SLC13A1: variants seen among roughly 807,000 people sequenced by gnomAD.
SLC13A1 encodes solute carrier family 13 member 1.
Under a neutral mutation model 70.0 loss-of-function variants are expected in SLC13A1, and 65 were observed. The ratio of observed to expected loss-of-function variants is 0.93; its 90% CI spans 0.76 to 1.14. SLC13A1 has a LOEUF of 1.14. SLC13A1 is among the 50% of genes most tolerant of loss of function. The pLI, the probability that SLC13A1 is intolerant of heterozygous loss-of-function variation, is 0.00. For synonymous variants in SLC13A1, 275 were observed against 250.5 expected (o/e 1.10, Z -0.92); for missense variants, 726 against 717.8 (o/e 1.01, Z -0.13).
intron 7 of SLC13A1, among the ~76,000 whole-genome samples, chr7:123,142,979 C>A (rs1334462050): frequency 1.3e-5 from 2 of 152,010 alleles, no homozygotes; most frequent in African/African-American, 4.8e-5. Flanking sequence ...TTCTTCAGAA[C>A]AACAGATTTC....
intron 7 of SLC13A1, among the ~76,000 whole-genome samples, chr7:123,142,775 G>C (rs1331059768): frequency 6.6e-6 from 1 of 151,712 alleles, no homozygotes; most frequent in Non-Finnish European, 1.5e-5. Flanking sequence ...GTGCCACCAT[G>C]CCCGGCTAAT....
chr7:123,145,660 C>G (rs1256724726), intron 7 of SLC13A1, among the ~76,000 whole-genome samples: 1 of 151,948 alleles, frequency 6.6e-6, no homozygotes, highest in Non-Finnish European at 1.5e-5. Context: ...AGAAGCCTCT[C>G]ATTTATAAAC....
intron 1 of SLC13A1, among the ~76,000 whole-genome samples, chr7:123,193,193 A>G (rs1172054978): frequency 6.6e-6 from 1 of 152,180 alleles, no homozygotes; most frequent in Non-Finnish European, 1.5e-5. Context: ...AACGTGCAGC[A>G]TCCTACACTT....
chr7:123,195,614 A>G (rs529277146), intron 1 of SLC13A1, among the ~76,000 whole-genome samples: 274 of 152,082 alleles, frequency 1.8e-3, no homozygotes, highest in African/African-American at 5.9e-3. Flanking sequence ...CTAGCACCAT[A>G]AGTCTCTCAT....
intron 2 of SLC13A1, among the ~76,000 whole-genome samples, chr7:123,176,876 G>A (rs1470632053): frequency 6.6e-6 from 1 of 152,046 alleles, no homozygotes; most frequent in Non-Finnish European, 1.5e-5. Context: ...TAGCTATGCA[G>A]AGGTCAGTTC....
intron 1 of SLC13A1, among the ~76,000 whole-genome samples, chr7:123,182,260 G>A (rs1235851069): frequency 6.6e-6 from 1 of 152,136 alleles, no homozygotes; most frequent in Non-Finnish European, 1.5e-5. Context: ...TAAAATGCCA[G>A]CATGGAAGAA....
At chr7:123,183,693 A>C (rs1393971694) in intron 1 of SLC13A1, among the ~76,000 whole-genome samples, 1 of 152,138 alleles carries the variant, frequency 6.6e-6, no homozygotes, top group Non-Finnish European at 1.5e-5. Flanking sequence ...GACACACTGA[A>C]TCAATCAGCA....
intron 1 of SLC13A1, among the ~76,000 whole-genome samples, chr7:123,194,204 C>T (rs1342899445): frequency 6.6e-6 from 1 of 152,062 alleles, no homozygotes; most frequent in Admixed American, 6.6e-5. Flanking sequence ...ATGAGAGCAT[C>T]GAGGATGATC....
intron 7 of SLC13A1, among the ~76,000 whole-genome samples, chr7:123,142,857 T>C (rs552406048): frequency 2.0e-5 from 3 of 151,960 alleles, no homozygotes; most frequent in Non-Finnish European, 4.4e-5. Context: ...GACCTCTTGA[T>C]CTGCCCTCCT....
At position 123,119,173 on chromosome 7, in the gene SLC13A1, T is replaced by C; in HGVS notation, c.1420A>G (p.Ile474Val). The C allele has an allele frequency of 6.2e-7, 1 of 1,612,838 alleles. No homozygotes were observed. The highest frequency in any genetic ancestry group is 8.5e-7 in the Non-Finnish European group (1 of 1,179,208). The change falls in exon 13 of 15, where the codon ATT becomes GTT. Residue 474 changes from isoleucine (I) to valine (V), a missense_variant. Transcript: ENST00000194130. ...GTCACCATCAAAGAAGATATCAGAA[T>C]TATTAGCCATGCTGGTAATGAACCC... The part of the protein sequence containing the change: ...PLGSLPAWLI[I>V]LISSLMVTSL...
intron 1 of SLC13A1, among the ~76,000 whole-genome samples, chr7:123,192,800 T>A (rs564022724): frequency 3.3e-5 from 5 of 152,320 alleles, no homozygotes; most frequent in African/African-American, 9.6e-5. Flanking sequence ...AGACTCAATT[T>A]ATATTAATTG....
intron 6 of SLC13A1, chr7:123,148,688 C>A (rs1794450866): frequency 4.0e-6 from 1 of 250,922 alleles, no homozygotes. Flanking sequence ...TAAACAGTGC[C>A]CTATTTAATA....
chr7:123,159,370 A>C (rs1794811773), intron 6 of SLC13A1, among the ~76,000 whole-genome samples: 1 of 152,182 alleles, frequency 6.6e-6, no homozygotes, highest in African/African-American at 2.4e-5. Context: ...TAAAAAGAGC[A>C]AAAGGGACCA....
rs149546873 is a variant in SLC13A1 at position 123,156,643 on chromosome 7, T to G, written c.661-9333A>C. 3.7e-3 allele frequency among the ~76,000 whole-genome samples: 570 copies of G among 152,282 alleles called. 4 individuals carry two copies. The highest frequency in any genetic ancestry group is 0.013 in the African/African-American group (540 of 41,570). The stretch of plus-strand genomic sequence containing the variant: ...CCTACAGTGTTCTAATGGTTTAAAA[T>G]GTCTATAAGAAGATTATTTCTGTAA... On this transcript the variant is annotated intron_variant, in intron 6 of 14. Coordinates refer to ENST00000194130, the MANE Select transcript of SLC13A1 (RefSeq NM_022444.4).
At chr7:123,164,749 C>A (rs1395211667) in intron 6 of SLC13A1, among the ~76,000 whole-genome samples, 1 of 151,708 alleles carries the variant, frequency 6.6e-6, no homozygotes. Flanking sequence ...AAATTAACAA[C>A]CTAACATCAC....
chr7:123,173,386 T>C (rs1309709507), intron 2 of SLC13A1, among the ~76,000 whole-genome samples: 1 of 152,202 alleles, frequency 6.6e-6, no homozygotes. Flanking sequence ...CTTTACATTT[T>C]GTAGTGATTG....
intron 1 of SLC13A1, chr7:123,190,762 TG>T (rs1352179841): frequency 1.0e-5 from 4 of 395,232 alleles, no homozygotes; most frequent in African/African-American, 8.3e-5. Context: ...AAGTTGCCCC[TG>T]GGGAAGCTGG....
At chr7:123,132,564 G>T (rs1418428851) in intron 8 of SLC13A1, among the ~76,000 whole-genome samples, 1 of 152,056 alleles carries the variant, frequency 6.6e-6, no homozygotes, top group Non-Finnish European at 1.5e-5. Flanking sequence ...TAGAGAAGGG[G>T]TTTCACAATG....
intron 1 of SLC13A1, among the ~76,000 whole-genome samples, chr7:123,197,905 A>G (rs1336221329): frequency 6.6e-6 from 1 of 152,176 alleles, no homozygotes; most frequent in Non-Finnish European, 1.5e-5. Context: ...TTCATTTCTC[A>G]GAAAATTATG....
Sources: allele counts gnomAD v4.1 joint callset (sites outside exome capture counted in the v4.1 genomes callset), GRCh38; gene constraint gnomAD v4.1.1; transcripts MANE v1.5; gene names NCBI Gene and HGNC (gene_info 2026-07-23, HGNC 2026-07-21).